RBBP5: variants seen among roughly 807,000 people sequenced by gnomAD.
RBBP5 encodes retinoblastoma-binding protein 5.
A neutral mutation model predicts 72.2 loss-of-function variants in RBBP5; 5 were observed. That is an observed-to-expected ratio of 0.07 (90% CI 0.04 to 0.15). The LOEUF is 0.15. Ranked by LOEUF, RBBP5 falls within the 10% of genes least tolerant of loss-of-function variation. RBBP5 has a pLI of 1.00. For synonymous variants in RBBP5, 209 were observed against 237.2 expected, an observed-to-expected ratio of 0.88 and a Z score of 1.09; for missense variants, 322 against 652.2, an observed-to-expected ratio of 0.49 and a Z score of 5.51.
intron 11 of RBBP5, among the ~76,000 whole-genome samples, 198 bp downstream of exon 11, chr1:205,097,128 T>G (rs1399330292): frequency 1.3e-5 from 2 of 152,226 alleles, no homozygotes; most frequent in Non-Finnish European, 2.9e-5. Context: ...TTCCTTAAAA[T>G]TCTCTATCAG....
At chr1:205,121,814 T>G (rs762292884) in intron 1 of RBBP5, 41 bp downstream of exon 1, 1 of 1,612,020 alleles carries the variant, frequency 6.2e-7, no homozygotes, top group South Asian at 1.1e-5. Context: ...TCCTTTCCAG[T>G]ACCCAACGCT....
Position 205,114,791 on chromosome 1 carries a change from T to C in RBBP5, c.216A>G (p.Leu72=). The C allele has an allele frequency of 6.6e-7, 1 of 1,526,540 alleles. No homozygotes were observed. Among genetic ancestry groups the C allele is most frequent in the Non-Finnish European group, 8.8e-7 (1 of 1,135,736 alleles). The allele number at this position is 1,526,540 out of a possible 1,614,324, so 94.6% of individuals were successfully genotyped here. A position where few individuals can be genotyped will look rare whatever the true frequency, so the allele number is the denominator to read the frequency against. ...ATATTAATTAAAAAATGTCTTACCA[T>C]AAAGAACACACTGGATGGATGTGTG... ...ISAHIHPVCS[L]CWSRDGHKLV... Residue 72 remains leucine, a splice_region_variant and synonymous_variant, in exon 3 of 14, where the codon TTA becomes TTG. Coordinates refer to ENST00000264515, the MANE Select transcript of RBBP5 (RefSeq NM_005057.4).
intron 1 of RBBP5, chr1:205,116,201 C>A: frequency 2.3e-6 from 1 of 437,466 alleles, no homozygotes; most frequent in Non-Finnish European, 4.2e-6. Flanking sequence ...AAAAATGTCA[C>A]AACAGTGGCA....
At chr1:205,114,245 A>T (rs1040285910) in intron 3 of RBBP5, among the ~76,000 whole-genome samples, 3 of 152,214 alleles carry the variant, frequency 2.0e-5, no homozygotes, top group African/African-American at 7.2e-5. Flanking sequence ...CCCCAAGTTC[A>T]TTTAAAAAAA....
In RBBP5 at chr1:205,109,236, T is replaced by C. The variant is rs536614570; in HGVS notation, c.219-4068A>G. ...CACAATAAAAAAGCCAATAGCTGGA[T>C]GATGATGATGATAGGAGGGTAAAAG... On this transcript the variant is annotated intron_variant, in intron 3 of 13. Coordinates refer to ENST00000264515, the MANE Select transcript of RBBP5 (RefSeq NM_005057.4). Among the ~76,000 whole-genome samples, 18 of 147,890 alleles carry C rather than the reference T, an allele frequency of 1.2e-4. 1 individual carries two copies. In the South Asian group the frequency reaches 3.1e-3, roughly 26 times the overall value.
intron 1 of RBBP5, chr1:205,116,135 AAGC>A (rs1656511089): frequency 1.6e-6 from 1 of 623,970 alleles, no homozygotes. Context: ...GTGAGGGCAG[AAGC>A]AGATGTGAGA....
intron 3 of RBBP5, among the ~76,000 whole-genome samples, chr1:205,112,368 T>C (rs190874065): frequency 6.6e-6 from 1 of 152,280 alleles, no homozygotes; most frequent in East Asian, 1.9e-4. Flanking sequence ...TATGACGGCT[T>C]TTCTGACCGT....
At chr1:205,094,466 G>C (rs141911473) in intron 13 of RBBP5, among the ~76,000 whole-genome samples, 1 of 152,316 alleles carries the variant, frequency 6.6e-6, no homozygotes, top group African/African-American at 2.4e-5. Flanking sequence ...CTGGCTACTT[G>C]TCTGGCTCTT....
At chr1:205,102,739 A>G (rs1408482177) in intron 5 of RBBP5, among the ~76,000 whole-genome samples, 3 of 152,170 alleles carry the variant, frequency 2.0e-5, no homozygotes, top group Non-Finnish European at 4.4e-5. Context: ...CACACCTATA[A>G]TCCCAGCACT....
intron 6 of RBBP5, among the ~76,000 whole-genome samples, 155 bp downstream of exon 6, chr1:205,101,445 G>A (rs11240358): frequency 0.38 from 57,523 of 152,098 alleles, 12,728 homozygotes; most frequent in East Asian, 0.91. Flanking sequence ...GAAATGTTAT[G>A]AACTCGAAAA....
At chr1:205,109,218 A>G (rs1656204109) in intron 3 of RBBP5, among the ~76,000 whole-genome samples, 1 of 150,222 alleles carries the variant, frequency 6.7e-6, no homozygotes, top group African/African-American at 2.5e-5. Context: ...GTGCACAATA[A>G]AAAAGCCAAT....
At chr1:205,091,092 G>A (rs1197209659) in intron 13 of RBBP5, 1 of 152,370 alleles carries the variant, frequency 6.6e-6, no homozygotes, top group Non-Finnish European at 1.5e-5. Context: ...GCTCACTTTG[G>A]CCCTTGCCAT....
At chr1:205,096,204 A>G (rs550495860) in intron 12 of RBBP5, among the ~76,000 whole-genome samples, 15 of 152,232 alleles carry the variant, frequency 9.9e-5, no homozygotes, top group Admixed American at 8.5e-4. Flanking sequence ...AAAAAATAAA[A>G]TAAAATAAAA....
chr1:205,093,754 A>G (rs978385782), intron 13 of RBBP5, among the ~76,000 whole-genome samples: 6 of 151,796 alleles, frequency 4.0e-5, no homozygotes, highest in African/African-American at 1.5e-4. Context: ...AAAATGATGA[A>G]TAACTGTCTA....
Position 205,114,963 on chromosome 1 carries a change from T to TA in RBBP5, c.46-3dup. 6.3e-7 allele frequency: 1 copy of TA among 1,584,014 alleles called. No homozygotes were observed. The highest frequency in any genetic ancestry group is 1.2e-5 in the South Asian group (1 of 86,884). ...ACAATCCAAAGTTCCATCAGCTTCC[T>TA]AAAAATTGAAACAAATACAAGAATA... On this transcript the variant is annotated splice_polypyrimidine_tract_variant and splice_region_variant and intron_variant, in intron 2 of 13. Transcript: ENST00000264515.
intron 1 of RBBP5, among the ~76,000 whole-genome samples, chr1:205,117,560 TGAGGCAGAGGAATCTCTTGAACCTGG>T (rs1009327101): frequency 2.0e-5 from 3 of 151,736 alleles, no homozygotes; most frequent in African/African-American, 4.8e-5. Context: ...CTCCAGAGGC[TGAGGCAGAGGAATCTCTTGAACCTGG>T]GAGGCAGAGG....
At chr1:205,093,965 G>C (rs1236628064) in intron 13 of RBBP5, among the ~76,000 whole-genome samples, 1 of 152,038 alleles carries the variant, frequency 6.6e-6, no homozygotes, top group African/African-American at 2.4e-5. Context: ...AAAAAATTGA[G>C]AATACTGTAT....
At chr1:205,104,962 C>A in intron 4 of RBBP5, 66 bp downstream of exon 4, 1 of 1,532,374 alleles carries the variant, frequency 6.5e-7, no homozygotes, top group South Asian at 1.2e-5. Context: ...CTAAAATTAT[C>A]ATGAGCCCAG....
Position 205,087,849 on chromosome 1 carries a change from C to T in RBBP5, c.*938G>A, listed in dbSNP as rs1341077008. ...GCAATGACTGATGAGGATAGATTTC[C>T]ACAGGCAGTGATACAAAAAATTCAC... On this transcript the variant is annotated 3_prime_UTR_variant, in exon 14 of 14. Coordinates refer to ENST00000264515, the MANE Select transcript of RBBP5 (RefSeq NM_005057.4). The T allele has an allele frequency of 2.6e-5, 4 of 152,576 alleles. No individual in the cohort carries two copies. The highest frequency in any genetic ancestry group is 9.7e-5 in the African/African-American group (4 of 41,414). The allele number at this position is 152,576 out of a possible 1,614,324, so 9.5% of individuals were successfully genotyped here. A position where few individuals can be genotyped will look rare whatever the true frequency, so the allele number is the denominator to read the frequency against.
Sources: gnomAD v4.1 joint callset for allele counts (sites outside exome capture counted in the v4.1 genomes callset) on GRCh38, gnomAD v4.1.1 for gene constraint, MANE v1.5 for transcripts, NCBI Gene and HGNC (gene_info 2026-07-23, HGNC 2026-07-21) for gene names.